Variants in MCC observed in about 807,000 individuals in gnomAD.
The protein encoded by MCC is MCC regulator of Wnt signaling pathway.
MCC carries 90 observed loss-of-function variants against 116.2 expected under a neutral mutation model. The ratio of observed to expected loss-of-function variants is 0.77; its 90% CI spans 0.65 to 0.92. MCC has a LOEUF of 0.92. Ranked by LOEUF, MCC falls within the 40% of genes least tolerant of loss-of-function variation. The probability of loss-of-function intolerance (pLI) is 0.00; values close to 1 mark genes in which losing one functional copy is unlikely to be tolerated. For synonymous variants in MCC, 578 were observed against 510.5 expected (o/e 1.13, Z -1.78); for missense variants, 1,516 against 1,312.2 (o/e 1.16, Z -2.40).
Position 113,340,695 on chromosome 5 carries a change from C to A in MCC, c.451G>T (p.Asp151Tyr). The change falls in exon 3 of 19, where the codon GAC becomes TAC. Residue 151 changes from aspartate to tyrosine, a missense_variant. Asp to Tyr is a radical substitution (Grantham distance 160). Coordinates refer to ENST00000408903, the MANE Select transcript of MCC (RefSeq NM_001085377.2). ...CTCTGGAGGTCCCTGGCACCAGAGT[C>A]GTATTCCCAGCTCTCCCTGGCTGCT... ...LSAARESWEY[D>Y]SGARDLQSPD... 6.2e-7 allele frequency: 1 copy of A among 1,613,818 alleles called. No homozygotes were observed. The highest frequency in any genetic ancestry group is 2.2e-5 in the East Asian group (1 of 44,860).
rs139603056 is a variant in MCC at position 113,231,613 on chromosome 5, A to G, written c.628-80191T>C. Among the ~76,000 whole-genome samples the G allele has an allele frequency of 4.7e-4, 71 of 152,252 alleles. 1 individual carries two copies. Among genetic ancestry groups the G allele is most frequent in the African/African-American group, 1.3e-3 (53 of 41,550 alleles). On this transcript the variant is annotated intron_variant, in intron 3 of 18. Coordinates refer to ENST00000408903, the MANE Select transcript of MCC (RefSeq NM_001085377.2). ...CTTTCTCATTAATCCTCTTTCCCCC[A>G]TATCATCTCTAAAATGGAATTTCCT...
chr5:113,284,183 C>G (rs1249594362), intron 3 of MCC, among the ~76,000 whole-genome samples: 2 of 152,200 alleles, frequency 1.3e-5, no homozygotes, highest in Non-Finnish European at 2.9e-5. Flanking sequence ...AATCCCATCT[C>G]TACAGAAAAT....
chr5:113,212,978 C>T (rs1276320353), intron 3 of MCC, among the ~76,000 whole-genome samples: 1 of 152,210 alleles, frequency 6.6e-6, no homozygotes, highest in African/African-American at 2.4e-5. Context: ...AACACATGTT[C>T]TTTCTGGTTC....
chr5:113,065,251 T>C (rs977556933), intron 13 of MCC, among the ~76,000 whole-genome samples: 1 of 151,894 alleles, frequency 6.6e-6, no homozygotes, highest in Non-Finnish European at 1.5e-5. Flanking sequence ...ACTACCCTGG[T>C]GGGGGACGCT....
In MCC at chr5:113,075,674, T is replaced by G. The variant is rs532555934; in HGVS notation, c.1785-4440A>C. On this transcript the variant is annotated intron_variant, in intron 11 of 18. Transcript: ENST00000408903. ...ATCAGCTCTCTGTAAAATGGACCAA[T>G]CAGCAGGATGTGGGTGGGACGAGAT... 2.0e-5 allele frequency among the ~76,000 whole-genome samples: 3 copies of G among 152,012 alleles called. No homozygotes were observed. In the South Asian group the frequency reaches 6.2e-4, roughly 32 times the overall value.
At chr5:113,095,505 A>T (rs1227053569) in intron 8 of MCC, among the ~76,000 whole-genome samples, 1 of 152,188 alleles carries the variant, frequency 6.6e-6, no homozygotes, top group Non-Finnish European at 1.5e-5. Context: ...GGCTATTATC[A>T]TAATTTAGGT....
rs557977699 is a variant in MCC at position 113,273,335 on chromosome 5, GC to G, written c.627+67183del. Among the ~76,000 whole-genome samples, 111 of 152,232 alleles carry G rather than the reference GC, an allele frequency of 7.3e-4. 2 individuals are homozygous for G. Among genetic ancestry groups the G allele is most frequent in the African/African-American group, 2.5e-3 (103 of 41,554 alleles). ...ACTTGCTCAGGGTTTTCTAAGAACTGCCCCCAGGGAATGTACTGTGGATCAG... is the reference window on the plus strand; with the variant it reads ...ACTTGCTCAGGGTTTTCTAAGAACTGCCCCAGGGAATGTACTGTGGATCAG... On this transcript the variant is annotated intron_variant, in intron 3 of 18. Coordinates refer to ENST00000408903, the MANE Select transcript of MCC (RefSeq NM_001085377.2).
intron 1 of MCC, among the ~76,000 whole-genome samples, chr5:113,390,427 AC>A (rs1218080547): frequency 2.0e-5 from 3 of 152,222 alleles, no homozygotes; most frequent in Non-Finnish European, 4.4e-5. Context: ...CTCTTAGAGA[AC>A]ACCAATCACC....
chr5:113,291,580 CA>C (rs2150361270), intron 3 of MCC, among the ~76,000 whole-genome samples: 1 of 152,230 alleles, frequency 6.6e-6, no homozygotes, highest in African/African-American at 2.4e-5. Flanking sequence ...TACTAAACAT[CA>C]GGCTGAAACT....
chr5:113,483,097 C>T (rs1205986259), intron 1 of MCC, among the ~76,000 whole-genome samples: 1 of 152,040 alleles, frequency 6.6e-6, no homozygotes. Flanking sequence ...TAGGTTTATC[C>T]CTGGACTTTC....
intron 5 of MCC, among the ~76,000 whole-genome samples, chr5:113,141,896 A>G (rs953022113): frequency 6.6e-6 from 1 of 152,170 alleles, no homozygotes; most frequent in African/African-American, 2.4e-5. Context: ...CAAGTGTTTA[A>G]AAGTGCATAA....
intron 11 of MCC, among the ~76,000 whole-genome samples, chr5:113,075,742 G>A (rs192026936): frequency 2.0e-4 from 30 of 152,336 alleles, no homozygotes; most frequent in Non-Finnish European, 2.5e-4. Flanking sequence ...GCAGCAACCC[G>A]CTCGGGTGCC....
intron 5 of MCC, among the ~76,000 whole-genome samples, chr5:113,127,850 G>A (rs1758162290): frequency 1.3e-5 from 2 of 152,132 alleles, no homozygotes. Flanking sequence ...AGCTTCATTA[G>A]AACCCATTTG....
intron 14 of MCC, among the ~76,000 whole-genome samples, chr5:113,054,994 A>C (rs898553120): frequency 6.6e-6 from 1 of 152,216 alleles, no homozygotes; most frequent in African/African-American, 2.4e-5. Flanking sequence ...GTTTCTCTGC[A>C]CTTGCACTGG....
intron 1 of MCC, among the ~76,000 whole-genome samples, chr5:113,468,502 T>C (rs1295468142): frequency 6.6e-6 from 1 of 152,216 alleles, no homozygotes; most frequent in African/African-American, 2.4e-5. Context: ...TTGCGTATGT[T>C]GAACCAGCCT....
intron 16 of MCC, among the ~76,000 whole-genome samples, chr5:113,045,146 C>T (rs6877769): frequency 0.48 from 72,685 of 152,024 alleles, 17,600 homozygotes; most frequent in African/African-American, 0.53. Context: ...TTGATGTTAA[C>T]ATTTCGTGAG....
At chr5:113,370,256 A>G (rs979155719) in intron 2 of MCC, among the ~76,000 whole-genome samples, 2 of 152,156 alleles carry the variant, frequency 1.3e-5, no homozygotes, top group African/African-American at 4.8e-5. Flanking sequence ...TCCTCTAATT[A>G]TCCCTGTAAC....
At chr5:113,219,209 A>G (rs924530107) in intron 3 of MCC, among the ~76,000 whole-genome samples, 6 of 152,156 alleles carry the variant, frequency 3.9e-5, no homozygotes, top group African/African-American at 1.4e-4. Context: ...GGTGCTGAAG[A>G]TTTCATTTGA....
At chr5:113,339,408 A>AGTGTGTGTGT (rs60886614) in intron 3 of MCC, among the ~76,000 whole-genome samples, 1,622 of 123,646 alleles carry the variant, frequency 0.013, 37 homozygotes, top group African/African-American at 0.049. Context: ...AGGCTTCCTT[A>AGTGTGTGTGT]GTGTGTGTGT....
Sources: gnomAD v4.1 joint callset for allele counts (sites outside exome capture counted in the v4.1 genomes callset) on GRCh38, gnomAD v4.1.1 for gene constraint, MANE v1.5 for transcripts, NCBI Gene and HGNC (gene_info 2026-07-23, HGNC 2026-07-21) for gene names.